Variants in MAF observed in about 807,000 individuals in gnomAD.
The protein encoded by MAF is MAF bZIP transcription factor.
Under a neutral mutation model 22.0 loss-of-function variants are expected in MAF, and 10 were observed. The ratio of observed to expected loss-of-function variants is 0.45; its 90% CI spans 0.28 to 0.77. The LOEUF (loss-of-function observed/expected upper bound fraction) is 0.77, where lower values mean the gene tolerates loss of function less well. Among genes scored for constraint, MAF ranks in the 30% least tolerant of loss-of-function variants. The pLI, the probability that MAF is intolerant of heterozygous loss-of-function variation, is 0.12. For missense variants in MAF, 544 were observed against 548.4 expected, an observed-to-expected ratio of 0.99 and a Z score of 0.08; for synonymous variants, 337 against 255.8, an observed-to-expected ratio of 1.32 and a Z score of -3.03.
the MAF span, among the ~76,000 whole-genome samples, chr16:79,301,139 C>G: frequency 2.0e-5 from 3 of 152,122 alleles, no homozygotes; most frequent in Non-Finnish European, 2.9e-5. Context: ...TCTTGCTACA[C>G]GAGAAACAAG....
chr16:79,239,678 G>C, the MAF span, among the ~76,000 whole-genome samples: 2 of 151,950 alleles, frequency 1.3e-5, no homozygotes, highest in African/African-American at 4.8e-5. Context: ...TTTATTCTTT[G>C]TCCCTCTCAA....
At chr16:79,266,059 C>G in the MAF span, among the ~76,000 whole-genome samples, 1 of 150,542 alleles carries the variant, frequency 6.6e-6, no homozygotes, top group Non-Finnish European at 1.5e-5. Flanking sequence ...TCTTTTATTT[C>G]TTTGAGGTCT....
At chr16:79,554,059 A>G in the MAF span, among the ~76,000 whole-genome samples, 1 of 152,134 alleles carries the variant, frequency 6.6e-6, no homozygotes, top group African/African-American at 2.4e-5. Context: ...ACTGGACTCC[A>G]TGCTGGGTGA....
chr16:79,314,428 T>A, the MAF span, among the ~76,000 whole-genome samples: 1 of 152,106 alleles, frequency 6.6e-6, no homozygotes, highest in Non-Finnish European at 1.5e-5. Context: ...CTGCGATGGG[T>A]TGCAGTGAGG....
the MAF span, among the ~76,000 whole-genome samples, chr16:79,233,089 C>T: frequency 1.3e-5 from 2 of 151,872 alleles, no homozygotes; most frequent in African/African-American, 2.4e-5. Context: ...ATCTGCCCAC[C>T]TCGGCCTCCC....
At chr16:79,312,099 G>C in the MAF span, among the ~76,000 whole-genome samples, 5 of 151,950 alleles carry the variant, frequency 3.3e-5, no homozygotes, top group East Asian at 9.7e-4. Context: ...TTCTTCCCTT[G>C]ATCTTCTCTT....
the MAF span, among the ~76,000 whole-genome samples, chr16:79,323,898 C>T: frequency 0.1 from 15,345 of 152,118 alleles, 905 homozygotes; most frequent in Middle Eastern, 0.17. Context: ...CCTTTTATTG[C>T]CTACGGCGGG....
chr16:79,243,688 A>G, the MAF span, among the ~76,000 whole-genome samples: 1 of 152,078 alleles, frequency 6.6e-6, no homozygotes, highest in Non-Finnish European at 1.5e-5. Context: ...ACAACAGAAA[A>G]ACAGGGAATC....
the MAF span, among the ~76,000 whole-genome samples, chr16:79,352,543 T>C: frequency 6.6e-6 from 1 of 152,174 alleles, no homozygotes; most frequent in Non-Finnish European, 1.5e-5. Flanking sequence ...GTGCTAGAAA[T>C]TGGGCTACAT....
the MAF span, chr16:79,211,573 A>AC: frequency 6.2e-7 from 1 of 1,613,778 alleles, no homozygotes; most frequent in East Asian, 2.2e-5. Flanking sequence ...TCCTTTTCTT[A>AC]AAATTTTTTT....
chr16:79,558,977 C>G, the MAF span, among the ~76,000 whole-genome samples: 1 of 152,190 alleles, frequency 6.6e-6, no homozygotes, highest in East Asian at 1.9e-4. Context: ...CTTTTCTGAA[C>G]CAACAGAAAC....
the MAF span, among the ~76,000 whole-genome samples, chr16:79,243,865 A>T: frequency 6.6e-6 from 1 of 152,202 alleles, no homozygotes; most frequent in African/African-American, 2.4e-5. Flanking sequence ...AAGGTTGCCA[A>T]CCACGATCAA....
the MAF span, among the ~76,000 whole-genome samples, chr16:79,217,866 G>C: frequency 6.6e-6 from 1 of 151,364 alleles, no homozygotes; most frequent in Non-Finnish European, 1.5e-5. Flanking sequence ...GTTTTGTTTT[G>C]AACTCCAGTG....
At chr16:79,472,441 C>T in the MAF span, among the ~76,000 whole-genome samples, 1 of 152,136 alleles carries the variant, frequency 6.6e-6, no homozygotes, top group African/African-American at 2.4e-5. Context: ...ATTCCATAAT[C>T]AAAAGAACAA....
chr16:79,404,783 G>C, the MAF span, among the ~76,000 whole-genome samples: 1 of 152,154 alleles, frequency 6.6e-6, no homozygotes, highest in Non-Finnish European at 1.5e-5. Context: ...TGTAAACTCA[G>C]CTTCCTGGTT....
At chr16:79,374,638 G>A in the MAF span, among the ~76,000 whole-genome samples, 19 of 152,212 alleles carry the variant, frequency 1.2e-4, no homozygotes, top group African/African-American at 3.4e-4. Context: ...CTAGAAGGCT[G>A]CCTGTGGTCT....
chr16:79,246,082 A>T, the MAF span, among the ~76,000 whole-genome samples: 30 of 152,296 alleles, frequency 2.0e-4, no homozygotes, highest in Middle Eastern at 6.8e-3. Flanking sequence ...GCGGAGGGAT[A>T]GCATTAGGAG....
At chr16:79,550,653 T>C in the MAF span, among the ~76,000 whole-genome samples, 91 of 152,208 alleles carry the variant, frequency 6.0e-4, no homozygotes, top group Admixed American at 1.2e-3. Flanking sequence ...CCTCATGATA[T>C]CTCACTCACT....
At chr16:79,510,338 CCT>C in the MAF span, among the ~76,000 whole-genome samples, 1 of 152,162 alleles carries the variant, frequency 6.6e-6, no homozygotes, top group Admixed American at 6.5e-5. Context: ...TCTCGAGAAT[CCT>C]CTGATTGTAA....
Sources: gnomAD v4.1 joint callset for allele counts (sites outside exome capture counted in the v4.1 genomes callset) on GRCh38, gnomAD v4.1.1 for gene constraint, MANE v1.5 for transcripts, NCBI Gene and HGNC (gene_info 2026-07-23, HGNC 2026-07-21) for gene names.